ALDH3B2: variants seen among roughly 807,000 people sequenced by gnomAD.
ALDH3B2 encodes the protein aldehyde dehydrogenase 3 family member B2.
In ALDH3B2, 45 loss-of-function variants were observed where a neutral mutation model predicts 36.7. The ratio of observed to expected loss-of-function variants is 1.23; its 90% CI spans 0.97 to 1.57. The LOEUF is 1.57. Ranked by LOEUF, ALDH3B2 falls within the 40% of genes most tolerant of loss-of-function variation. The pLI is 0.00. For synonymous variants in ALDH3B2, 217 were observed against 226.5 expected (o/e 0.96, Z 0.38); for missense variants, 464 against 513.3 (o/e 0.90, Z 0.93).
At position 67,668,431 on chromosome 11, in the gene ALDH3B2, C is replaced by A. The variant is rs116654357; in HGVS notation, c.-244-796G>T. Reference sequence around the variant, plus strand: ...AGGACCCTGGGGGTGGGGGAAGGGGCTCAGGGGGACACTCAAGAGGATTGC... The same window carrying A: ...AGGACCCTGGGGGTGGGGGAAGGGGATCAGGGGGACACTCAAGAGGATTGC... On this transcript the variant is annotated intron_variant, in intron 1 of 9. Transcript: ENST00000349015. Among the ~76,000 whole-genome samples, 517 of 152,244 alleles carry A rather than the reference C, an allele frequency of 3.4e-3. 5 individuals are homozygous for A. Among genetic ancestry groups the A allele is most frequent in the African/African-American group, 0.012 (495 of 41,516 alleles).
chr11:67,664,207 T>G, intron 8 of ALDH3B2, 189 bp downstream of exon 8: 2 of 865,978 alleles, frequency 2.3e-6, no homozygotes, highest in South Asian at 1.7e-5. Context: ...AAGTGTCTGG[T>G]GGGTTTGGAC....
rs376395180 is a variant in ALDH3B2 at position 67,666,116 on chromosome 11, C to T, written c.319+6G>A. 58 of 1,613,988 alleles carry T rather than the reference C, an allele frequency of 3.6e-5. No individual in the cohort carries two copies. The highest frequency in any genetic ancestry group is 4.7e-5 in the Non-Finnish European group (55 of 1,179,996). ...CTACTCTGGGACCCTGGCCTGGCCC[C>T]CTCACCTGTGAAGAAGATGTAGTCC... On this transcript the variant is annotated splice_donor_region_variant and intron_variant, in intron 6 of 9. Transcript: ENST00000349015.
exon 3 of ALDH3B2, chr11:67,666,935 T>C (rs1407059193): frequency 6.2e-7 from 1 of 1,613,998 alleles, no homozygotes; most frequent in Non-Finnish European, 8.5e-7. Flanking sequence ...TCATCCTTCA[T>C]CCAGGCCTGC....
intron 1 of ALDH3B2, among the ~76,000 whole-genome samples, chr11:67,679,913 T>G (rs1417588866): frequency 6.6e-6 from 1 of 152,172 alleles, no homozygotes. Flanking sequence ...AAAGAGAAAT[T>G]CTTTCAAAGG....
At chr11:67,675,695 G>A (rs1037278737), upstream of ALDH3B2, among the ~76,000 whole-genome samples, 1 of 152,236 alleles carries the variant, frequency 6.6e-6, no homozygotes, top group Non-Finnish European at 1.5e-5. Flanking sequence ...TGTGACACCA[G>A]GAAGGGACCT....
At chr11:67,679,357 G>C (rs1856327367), upstream of ALDH3B2, among the ~76,000 whole-genome samples, 2 of 152,058 alleles carry the variant, frequency 1.3e-5, no homozygotes, top group South Asian at 4.1e-4. Context: ...TGTAATCCCA[G>C]TTACTTGGGA....
upstream of ALDH3B2, among the ~76,000 whole-genome samples, chr11:67,676,516 C>T (rs1382033716): frequency 6.6e-6 from 1 of 151,726 alleles, no homozygotes; most frequent in Admixed American, 6.6e-5. Flanking sequence ...TGAAAGAGCA[C>T]AGACAATCTA....
chr11:67,666,198 G>A (rs768200755), exon 6 of ALDH3B2: 1 of 1,613,706 alleles, frequency 6.2e-7, no homozygotes, highest in Admixed American at 1.7e-5. Flanking sequence ...CCACGGCAAA[G>A]CAGCTCTGCA....
exon 8 of ALDH3B2, chr11:67,664,441 C>A (rs1285085641): frequency 9.9e-6 from 16 of 1,614,024 alleles, no homozygotes; most frequent in East Asian, 4.5e-5. Context: ...GCTTCTCCTG[C>A]CGGTTGATGA....
At chr11:67,675,408 C>T (rs769511852), upstream of ALDH3B2, among the ~76,000 whole-genome samples, 1 of 152,192 alleles carries the variant, frequency 6.6e-6, no homozygotes, top group African/African-American at 2.4e-5. Flanking sequence ...TTGCTGAGCA[C>T]CTTCTAGGTT....
chr11:67,678,841 A>G (rs950212320), upstream of ALDH3B2, among the ~76,000 whole-genome samples: 2 of 151,896 alleles, frequency 1.3e-5, no homozygotes, highest in African/African-American at 4.8e-5. Context: ...AATACTACTC[A>G]GCTATAAAAA....
rs1253713273 is a variant in ALDH3B2, at chr11:67,663,861, C to T, written c.874-100G>A. ...GGAGGTGAGCCTCATCCTCACCTGCCCCTCCACCCTCTAACGGGCAATAAT... is the reference window on the plus strand; with the variant it reads ...GGAGGTGAGCCTCATCCTCACCTGCTCCTCCACCCTCTAACGGGCAATAAT... On this transcript the variant is annotated intron_variant, in intron 8 of 9. Transcript: ENST00000349015. 1.2e-5 allele frequency: 11 copies of T among 915,832 alleles called. No individual in the cohort carries two copies. The South Asian group carries it at 1.4e-4, about 11-fold the overall frequency. The allele number at this position is 915,832 out of a possible 1,614,324, so 56.7% of individuals were successfully genotyped here. A position where few individuals can be genotyped will look rare whatever the true frequency, so the allele number is the denominator to read the frequency against.
At chr11:67,674,276 C>T (rs572207558) in intron 1 of ALDH3B2, among the ~76,000 whole-genome samples, 160 bp downstream of exon 1, 31 of 152,302 alleles carry the variant, frequency 2.0e-4, no homozygotes, top group South Asian at 1.0e-3. Context: ...GAGCAAGCCC[C>T]GTACCCATGG....
In ALDH3B2 at chr11:67,666,920, G is replaced by A. The variant is rs189634559; in HGVS notation, c.16C>T (p.Arg6Trp). The A allele has an allele frequency of 8.4e-5, 135 of 1,614,208 alleles. No homozygotes were observed. The highest frequency in any genetic ancestry group is 1.1e-4 in the Non-Finnish European group (127 of 1,180,016). The change falls in exon 3 of 10, where the codon CGG becomes TGG. Residue 6 changes from arginine (R) to tryptophan (W), a missense_variant. Coordinates refer to ENST00000349015, the Ensembl canonical transcript of ALDH3B2. ...GCAGGGCTCACCAGGTTCGTGGACC[G>A]TGGTTCATCCTTCATCCAGGCCTGC...
At chr11:67,671,983 C>T (rs1192473779) in intron 1 of ALDH3B2, among the ~76,000 whole-genome samples, 1 of 146,570 alleles carries the variant, frequency 6.8e-6, no homozygotes, top group Non-Finnish European at 1.5e-5. Context: ...TGCCCCAACC[C>T]TCACCCCCAC....
At chr11:67,662,917 T>G in exon 10 of ALDH3B2, 1 of 421,918 alleles carries the variant, frequency 2.4e-6, no homozygotes. Context: ...ACTGCCCCTG[T>G]GACTGGGTCT....
chr11:67,676,061 C>T (rs1856263918), upstream of ALDH3B2, among the ~76,000 whole-genome samples: 1 of 152,156 alleles, frequency 6.6e-6, no homozygotes, highest in Admixed American at 6.5e-5. Flanking sequence ...GCCTGGCCAA[C>T]ATGGTGAAAC....
At position 67,672,110 on chromosome 11, in the gene ALDH3B2, G is replaced by A. The variant is rs1316530120; in HGVS notation, c.-245+2327C>T. 5.0e-3 allele frequency among the ~76,000 whole-genome samples: 341 copies of A among 67,822 alleles called. 9 individuals are homozygous for A. The highest frequency in any genetic ancestry group is 0.024 in the Middle Eastern group (3 of 124). 44.5% of individuals were successfully genotyped at this position (67,822 alleles called of 152,430 possible). On this transcript the variant is annotated intron_variant, in intron 1 of 9. Coordinates refer to ENST00000349015, the Ensembl canonical transcript of ALDH3B2. ...ATATGTATGTATGTATTTTGTGTGT[G>A]TGTGTGTGTGTGTGTGTGTGTGTGT...
intron 1 of ALDH3B2, among the ~76,000 whole-genome samples, chr11:67,669,362 G>A (rs1177517269): frequency 2.6e-5 from 4 of 151,204 alleles, no homozygotes; most frequent in South Asian, 4.2e-4. Context: ...GGGTGTCTGT[G>A]TGTCTGTGTG....
Sources: gnomAD v4.1 joint callset for allele counts (sites outside exome capture counted in the v4.1 genomes callset) on GRCh38, gnomAD v4.1.1 for gene constraint, MANE v1.5 for transcripts, NCBI Gene and HGNC (gene_info 2026-07-23, HGNC 2026-07-21) for gene names.